The following ZFAND3 variants were observed in gnomAD, a reference collection of about 807,000 sequenced individuals.
ZFAND3 encodes zinc finger AN1-type containing 3.
Under a neutral mutation model 29.6 loss-of-function variants are expected in ZFAND3, and 10 were observed. The observed-to-expected ratio is 0.34, with a 90% CI of 0.21 to 0.57. The LOEUF is 0.57. Among genes scored for constraint, ZFAND3 ranks in the 20% least tolerant of loss-of-function variants. The probability of loss-of-function intolerance (pLI) is 0.86; values close to 1 mark genes in which losing one functional copy is unlikely to be tolerated. For synonymous variants in ZFAND3, 128 were observed against 112.6 expected (o/e 1.14, Z -0.87); for missense variants, 230 against 304.5 (o/e 0.76, Z 1.82).
intron 2 of ZFAND3, among the ~76,000 whole-genome samples, chr6:37,944,643 G>A (rs941806393): frequency 2.0e-5 from 3 of 152,222 alleles, no homozygotes; most frequent in Admixed American, 6.5e-5. Flanking sequence ...CGTATATCAC[G>A]TGGAGAAAGG....
chr6:37,976,578 T>C (rs760128030), intron 2 of ZFAND3, among the ~76,000 whole-genome samples: 5 of 113,528 alleles, frequency 4.4e-5, no homozygotes, highest in Non-Finnish European at 9.1e-5. Flanking sequence ...AGTGAGACAC[T>C]GTCTCCAAAA....
At chr6:38,007,391 C>A (rs1204318296) in intron 2 of ZFAND3, among the ~76,000 whole-genome samples, 1 of 151,892 alleles carries the variant, frequency 6.6e-6, no homozygotes, top group Non-Finnish European at 1.5e-5. Flanking sequence ...ACAAAAAATA[C>A]AAAAATTTGT....
intron 1 of ZFAND3, among the ~76,000 whole-genome samples, chr6:37,839,263 C>T (rs1328380607): frequency 6.6e-6 from 1 of 151,772 alleles, no homozygotes; most frequent in South Asian, 2.1e-4. Flanking sequence ...TCACTGCAAC[C>T]TCCGCCTCCC....
At chr6:38,128,620 A>G (rs541686765) in intron 5 of ZFAND3, among the ~76,000 whole-genome samples, 2 of 152,288 alleles carry the variant, frequency 1.3e-5, no homozygotes, top group South Asian at 4.1e-4. Flanking sequence ...CACTTAGAAT[A>G]ATAGTCTCCA....
At chr6:38,144,241 T>TTA (rs1238625344) in intron 5 of ZFAND3, among the ~76,000 whole-genome samples, 1 of 129,042 alleles carries the variant, frequency 7.7e-6, no homozygotes, top group South Asian at 2.4e-4. Flanking sequence ...ATTTTTTTTT[T>TTA]AATAAGGTTG....
intron 5 of ZFAND3, among the ~76,000 whole-genome samples, chr6:38,136,460 A>G (rs1457441067): frequency 6.6e-6 from 1 of 152,186 alleles, no homozygotes; most frequent in African/African-American, 2.4e-5. Flanking sequence ...AGATCTTTGC[A>G]TGATCCAAGG....
chr6:38,080,663 A>G (rs1764644459), intron 3 of ZFAND3, among the ~76,000 whole-genome samples: 1 of 152,300 alleles, frequency 6.6e-6, no homozygotes, highest in African/African-American at 2.4e-5. Flanking sequence ...TCAGTCTTCT[A>G]AAAAGCCTAT....
At chr6:37,923,771 T>C (rs1761429154) in intron 1 of ZFAND3, among the ~76,000 whole-genome samples, 1 of 152,196 alleles carries the variant, frequency 6.6e-6, no homozygotes, top group African/African-American at 2.4e-5. Context: ...TTCTGTTGTG[T>C]ATGTGAACTG....
chr6:37,872,268 A>C (rs1764708593), intron 1 of ZFAND3, among the ~76,000 whole-genome samples: 2 of 152,228 alleles, frequency 1.3e-5, no homozygotes, highest in African/African-American at 4.8e-5. Flanking sequence ...GCAGACTCAC[A>C]GTTTCTGCCT....
rs549900623 is a variant in ZFAND3, at chr6:38,090,386, C to T, written c.361+7929C>T. Among the ~76,000 whole-genome samples the T allele has an allele frequency of 5.3e-5, 8 of 152,226 alleles. No homozygotes were observed. The East Asian group carries it at 1.5e-3, about 29-fold the overall frequency. ...TGTAACCATTGAAGAAAGATCAAAACAGTAAATCTGTCATGGCAAGGAAAA... is the reference window on the plus strand; with the variant it reads ...TGTAACCATTGAAGAAAGATCAAAATAGTAAATCTGTCATGGCAAGGAAAA... On this transcript the variant is annotated intron_variant, in intron 4 of 5. Transcript: ENST00000287218.
At chr6:37,928,715 C>T (rs1262235195) in intron 1 of ZFAND3, among the ~76,000 whole-genome samples, 1 of 151,946 alleles carries the variant, frequency 6.6e-6, no homozygotes, top group Non-Finnish European at 1.5e-5. Context: ...GGGGTTTTGT[C>T]ATGTTGCCCA....
intron 1 of ZFAND3, among the ~76,000 whole-genome samples, chr6:37,831,181 C>T (rs750988216): frequency 2.0e-5 from 3 of 152,212 alleles, no homozygotes; most frequent in Non-Finnish European, 4.4e-5. Flanking sequence ...TCTGATGCCT[C>T]TCAAGCCCTT....
At chr6:37,973,022 C>G (rs1308889712) in intron 2 of ZFAND3, among the ~76,000 whole-genome samples, 2 of 152,198 alleles carry the variant, frequency 1.3e-5, no homozygotes, top group Middle Eastern at 3.4e-3. Flanking sequence ...TTCCCTCCCT[C>G]GAGTTCATTT....
intron 1 of ZFAND3, among the ~76,000 whole-genome samples, chr6:37,919,137 A>G (rs939579029): frequency 1.3e-5 from 2 of 151,844 alleles, no homozygotes; most frequent in South Asian, 2.1e-4. Flanking sequence ...TATTTTTAGT[A>G]GAGACGGGGT....
At chr6:37,950,381 T>C (rs1241303403) in intron 2 of ZFAND3, among the ~76,000 whole-genome samples, 3 of 149,564 alleles carry the variant, frequency 2.0e-5, no homozygotes, top group African/African-American at 7.3e-5. Context: ...GTTGACTTGT[T>C]TTTTTTTTTT....
At chr6:38,093,391 A>C (rs762097131) in intron 4 of ZFAND3, among the ~76,000 whole-genome samples, 1 of 152,184 alleles carries the variant, frequency 6.6e-6, no homozygotes, top group African/African-American at 2.4e-5. Context: ...GATTGAAACT[A>C]TTTTCAGTTT....
chr6:38,043,444 C>T (rs1187903787), intron 2 of ZFAND3, among the ~76,000 whole-genome samples: 2 of 149,764 alleles, frequency 1.3e-5, no homozygotes, highest in East Asian at 2.0e-4. Flanking sequence ...TCTCCTATCC[C>T]CTCCCCGTCT....
At chr6:37,895,851 G>A (rs1380593182) in intron 1 of ZFAND3, among the ~76,000 whole-genome samples, 2 of 152,118 alleles carry the variant, frequency 1.3e-5, no homozygotes, top group African/African-American at 2.4e-5. Flanking sequence ...TTAGGCTGTG[G>A]TGTACCAAAT....
At chr6:37,865,784 G>A (rs1277183865) in intron 1 of ZFAND3, among the ~76,000 whole-genome samples, 2 of 152,182 alleles carry the variant, frequency 1.3e-5, no homozygotes, top group Non-Finnish European at 2.9e-5. Flanking sequence ...GGAGAGCTGG[G>A]TTAAATAGGA....
Sources: allele counts gnomAD v4.1 joint callset (sites outside exome capture counted in the v4.1 genomes callset), GRCh38; gene constraint gnomAD v4.1.1; transcripts MANE v1.5; gene names NCBI Gene and HGNC (gene_info 2026-07-23, HGNC 2026-07-21).